The following TENM4 variants were observed in gnomAD, a reference collection of about 807,000 sequenced individuals.
TENM4 encodes teneurin transmembrane protein 4.
Under a neutral mutation model 243.3 loss-of-function variants are expected in TENM4, and 82 were observed. The observed-to-expected ratio is 0.34, with a 90% CI of 0.28 to 0.40. The LOEUF (loss-of-function observed/expected upper bound fraction) is 0.40, where lower values mean the gene tolerates loss of function less well. TENM4 is among the 10% of genes least tolerant of loss of function. TENM4 has a pLI of 1.00. For synonymous variants in TENM4, 1,412 were observed against 1,456.3 expected (o/e 0.97, Z 0.69); for missense variants, 3,138 against 3,673.3 (o/e 0.85, Z 3.77).
At chr11:79,167,637 T>C (rs867909335) in intron 3 of TENM4, among the ~76,000 whole-genome samples, 4 of 152,224 alleles carry the variant, frequency 2.6e-5, no homozygotes, top group Admixed American at 2.0e-4. Context: ...CCACTCCGAC[T>C]GCCAGAAGGC....
chr11:78,688,219 T>C lies in TENM4; in HGVS notation c.5095A>G (p.Ser1699Gly), dbSNP rs1858733902. ...GTCACATTTGTCAGGCGGCCAAAGC[T>C]GTCGTACCTGGAAACCAAGGGGTGG... is the stretch of plus-strand genomic sequence containing the variant. ...NGWTTFYEYD[S>G]FGRLTNVTFP... The change falls in exon 29 of 34, where the codon AGC becomes GGC. Residue 1699 changes from serine (S) to glycine (G), a missense_variant. Ser to Gly is a moderately conservative substitution (Grantham distance 56, BLOSUM62 0). Coordinates refer to ENST00000278550, the MANE Select transcript of TENM4 (RefSeq NM_001098816.3). 3 of 1,613,076 alleles carry C rather than the reference T, an allele frequency of 1.9e-6. No homozygotes were observed. The highest frequency in any genetic ancestry group is 2.5e-6 in the Non-Finnish European group (3 of 1,179,344).
At chr11:79,033,508 C>T (rs944734362) in intron 6 of TENM4, among the ~76,000 whole-genome samples, 1 of 152,240 alleles carries the variant, frequency 6.6e-6, no homozygotes, top group Non-Finnish European at 1.5e-5. Flanking sequence ...CCCTGGTTCA[C>T]TGATAATGAA....
At chr11:79,334,669 C>T (rs1289925475) in intron 1 of TENM4, among the ~76,000 whole-genome samples, 1 of 152,152 alleles carries the variant, frequency 6.6e-6, no homozygotes, top group Non-Finnish European at 1.5e-5. Context: ...AAATCCTACT[C>T]CTAAAAGATA....
At chr11:79,076,299 T>C (rs7946005) in intron 4 of TENM4, 141,440 of 152,322 alleles carry the variant, frequency 0.93, 65,962 homozygotes, top group Middle Eastern at 0.98. Flanking sequence ...TGTATGAGTT[T>C]GTTTTCACGC....
At chr11:79,126,216 G>A (rs944132412) in intron 4 of TENM4, among the ~76,000 whole-genome samples, 2 of 152,196 alleles carry the variant, frequency 1.3e-5, no homozygotes, top group Admixed American at 1.3e-4. Flanking sequence ...AAGGCTTAGG[G>A]AGATTGGGAT....
At chr11:79,288,787 G>T (rs950427479) in intron 2 of TENM4, among the ~76,000 whole-genome samples, 2 of 152,166 alleles carry the variant, frequency 1.3e-5, no homozygotes, top group African/African-American at 4.8e-5. Flanking sequence ...TTTAGTGGAT[G>T]ATTGGAAATA....
intron 2 of TENM4, among the ~76,000 whole-genome samples, chr11:79,286,010 T>C (rs902698875): frequency 1.8e-4 from 28 of 152,152 alleles, no homozygotes; most frequent in African/African-American, 6.8e-4. Context: ...GAAATGTTAC[T>C]TTAAAAGGGT....
chr11:79,038,702 T>C (rs975359432), intron 6 of TENM4, among the ~76,000 whole-genome samples: 9 of 152,156 alleles, frequency 5.9e-5, no homozygotes, highest in African/African-American at 1.7e-4. Context: ...AGAACCCTAT[T>C]TGGGGGAAAC....
At chr11:79,223,969 G>A (rs1170859382) in intron 2 of TENM4, among the ~76,000 whole-genome samples, 1 of 152,196 alleles carries the variant, frequency 6.6e-6, no homozygotes, top group Non-Finnish European at 1.5e-5. Context: ...GTGAGCAGAA[G>A]TGTACCACTT....
At chr11:79,234,132 A>G (rs1282619713) in intron 2 of TENM4, among the ~76,000 whole-genome samples, 1 of 152,200 alleles carries the variant, frequency 6.6e-6, no homozygotes, top group Non-Finnish European at 1.5e-5. Context: ...TGTAAAAGCA[A>G]TAAAACCCAC....
chr11:78,891,801 C>G (rs1181230691), intron 7 of TENM4, among the ~76,000 whole-genome samples: 15 of 152,200 alleles, frequency 9.9e-5, no homozygotes, highest in African/African-American at 1.4e-4. Flanking sequence ...CTCTCTCTCT[C>G]TACTTGAGGC....
intron 1 of TENM4, among the ~76,000 whole-genome samples, chr11:79,381,283 A>G (rs1857996509): frequency 6.6e-6 from 1 of 151,756 alleles, no homozygotes; most frequent in Non-Finnish European, 1.5e-5. Flanking sequence ...TCAGGAAAGC[A>G]GTCTTTATAG....
chr11:79,283,458 A>G (rs1856194684), intron 2 of TENM4, among the ~76,000 whole-genome samples: 1 of 152,218 alleles, frequency 6.6e-6, no homozygotes, highest in Non-Finnish European at 1.5e-5. Context: ...CATAAAAGAC[A>G]AAAACCACAC....
At chr11:79,070,350 C>T (rs1311642158) in intron 4 of TENM4, among the ~76,000 whole-genome samples, 1 of 152,106 alleles carries the variant, frequency 6.6e-6, no homozygotes, top group Non-Finnish European at 1.5e-5. Flanking sequence ...CATCACATCC[C>T]ACATGGAGCA....
At chr11:78,846,432 A>G (rs1591067084) in intron 12 of TENM4, among the ~76,000 whole-genome samples, 1 of 152,346 alleles carries the variant, frequency 6.6e-6, no homozygotes, top group East Asian at 1.9e-4. Context: ...GAACTGGCAC[A>G]TGAAAGGCAA....
chr11:78,920,844 C>A (rs1443029044), intron 6 of TENM4, among the ~76,000 whole-genome samples: 2 of 152,124 alleles, frequency 1.3e-5, no homozygotes, highest in Non-Finnish European at 2.9e-5. Flanking sequence ...TTTTCATGAC[C>A]CTTCCTTGTG....
intron 4 of TENM4, among the ~76,000 whole-genome samples, chr11:79,105,465 T>C (rs1861342412): frequency 6.6e-6 from 1 of 152,214 alleles, no homozygotes; most frequent in African/African-American, 2.4e-5. Context: ...CCTGCCTTCA[T>C]TGAGGTCAGA....
chr11:78,923,094 G>A (rs1328302391), intron 6 of TENM4, among the ~76,000 whole-genome samples: 1 of 152,158 alleles, frequency 6.6e-6, no homozygotes, highest in Non-Finnish European at 1.5e-5. Flanking sequence ...AGGCAGAGCA[G>A]TGAACACTTA....
chr11:78,697,784 T>C (rs1859003614), intron 28 of TENM4, among the ~76,000 whole-genome samples: 1 of 152,140 alleles, frequency 6.6e-6, no homozygotes, highest in Non-Finnish European at 1.5e-5. Flanking sequence ...CCTTCCCCTA[T>C]GAAATTCAGG....
Sources: gnomAD v4.1 joint callset for allele counts (sites outside exome capture counted in the v4.1 genomes callset) on GRCh38, gnomAD v4.1.1 for gene constraint, MANE v1.5 for transcripts, NCBI Gene and HGNC (gene_info 2026-07-23, HGNC 2026-07-21) for gene names.